Variants in TBC1D22A observed in about 807,000 individuals in gnomAD.
The protein encoded by TBC1D22A is TBC1 domain family member 22A.
Under a neutral mutation model 60.2 loss-of-function variants are expected in TBC1D22A, and 38 were observed. The ratio of observed to expected loss-of-function variants is 0.63; its 90% CI spans 0.49 to 0.83. The LOEUF (loss-of-function observed/expected upper bound fraction) is 0.83, where lower values mean the gene tolerates loss of function less well. Ranked by LOEUF, TBC1D22A falls within the 40% of genes least tolerant of loss-of-function variation. The pLI, the probability that TBC1D22A is intolerant of heterozygous loss-of-function variation, is 0.00. For synonymous variants in TBC1D22A, 302 were observed against 281.7 expected (o/e 1.07, Z -0.72); for missense variants, 628 against 701.0 (o/e 0.90, Z 1.18).
chr22:47,110,262 C>T (rs1004272626), intron 11 of TBC1D22A, among the ~76,000 whole-genome samples: 10 of 152,038 alleles, frequency 6.6e-5, no homozygotes, highest in East Asian at 1.9e-4. Flanking sequence ...AGTGGATCAC[C>T]GGAGGTCAGG....
chr22:47,054,383 G>T (rs1329794207), intron 11 of TBC1D22A, among the ~76,000 whole-genome samples: 2 of 152,154 alleles, frequency 1.3e-5, no homozygotes, highest in Non-Finnish European at 1.5e-5. Flanking sequence ...ACCACTCGAG[G>T]TGAGGGGTCC....
At chr22:47,157,567 C>T (rs936008406) in intron 12 of TBC1D22A, among the ~76,000 whole-genome samples, 2 of 152,188 alleles carry the variant, frequency 1.3e-5, no homozygotes, top group African/African-American at 4.8e-5. Flanking sequence ...ACGGCGGGTG[C>T]GCTGTGGTGG....
At chr22:46,948,389 A>G (rs2072683083) in intron 8 of TBC1D22A, among the ~76,000 whole-genome samples, 4 of 152,246 alleles carry the variant, frequency 2.6e-5, no homozygotes, top group Admixed American at 2.6e-4. Flanking sequence ...ATACAGGGTC[A>G]TGCCTTTGTA....
At chr22:47,090,345 G>A (rs192481996) in intron 11 of TBC1D22A, among the ~76,000 whole-genome samples, 2 of 145,220 alleles carry the variant, frequency 1.4e-5, no homozygotes, top group East Asian at 3.9e-4. Flanking sequence ...CAGACAGACG[G>A]GGCGTCTTGG....
intron 10 of TBC1D22A, among the ~76,000 whole-genome samples, chr22:47,016,502 C>T (rs990735976): frequency 2.6e-5 from 4 of 152,318 alleles, no homozygotes; most frequent in African/African-American, 7.2e-5. Context: ...CCCTGGAGAA[C>T]GAGCCCCTCC....
intron 4 of TBC1D22A, among the ~76,000 whole-genome samples, chr22:46,808,859 G>C (rs762713062): frequency 3.3e-5 from 5 of 152,224 alleles, no homozygotes; most frequent in Non-Finnish European, 7.3e-5. Context: ...CTTCCAAAGT[G>C]CTGGGATTAC....
chr22:46,775,211 C>T (rs995138876), intron 1 of TBC1D22A, among the ~76,000 whole-genome samples: 4 of 152,158 alleles, frequency 2.6e-5, no homozygotes, highest in Non-Finnish European at 4.4e-5. Flanking sequence ...GCAGCTCCTC[C>T]GCGAGGGCTT....
At chr22:47,133,314 G>A (rs939092796) in intron 12 of TBC1D22A, among the ~76,000 whole-genome samples, 6 of 152,202 alleles carry the variant, frequency 3.9e-5, no homozygotes, top group East Asian at 1.9e-4. Context: ...AAAAATAGAC[G>A]TAGTGTGGAG....
chr22:46,824,848 GA>G (rs1239754945), intron 4 of TBC1D22A, among the ~76,000 whole-genome samples: 1 of 152,070 alleles, frequency 6.6e-6, no homozygotes, highest in East Asian at 1.9e-4. Flanking sequence ...GATTTGGGGA[GA>G]AAAGAGACGG....
In TBC1D22A at chr22:46,862,696, C is replaced by T. The variant is rs144328474; in HGVS notation, c.638-15957C>T. On this transcript the variant is annotated intron_variant, in intron 4 of 12. Coordinates refer to ENST00000337137, the MANE Select transcript of TBC1D22A (RefSeq NM_014346.5). ...GGGGTTTCCCATCCAAGGCCGCAGC[C>T]CAGAAGGGTGGTGGATTGCCTCCCT... Among the ~76,000 whole-genome samples the T allele has an allele frequency of 3.3e-5, 5 of 152,130 alleles. No individual in the cohort carries two copies. The East Asian group carries it at 9.7e-4, about 30-fold the overall frequency.
At chr22:46,814,703 A>G (rs937975385) in intron 4 of TBC1D22A, among the ~76,000 whole-genome samples, 2 of 151,812 alleles carry the variant, frequency 1.3e-5, no homozygotes, top group Admixed American at 6.6e-5. Flanking sequence ...CTGGAGTGCA[A>G]TGACAAGGTC....
chr22:47,113,445 G>T (rs927103476), intron 12 of TBC1D22A, among the ~76,000 whole-genome samples: 2 of 152,056 alleles, frequency 1.3e-5, no homozygotes, highest in Non-Finnish European at 2.9e-5. Context: ...GAGGACTCGG[G>T]GTGTGCCTGA....
chr22:47,003,339 AT>A (rs1299772677), intron 10 of TBC1D22A, among the ~76,000 whole-genome samples: 8 of 152,072 alleles, frequency 5.3e-5, no homozygotes, highest in Admixed American at 2.0e-4. Context: ...GATGACAAGA[AT>A]GTGGCCTTAA....
At chr22:46,787,518 T>A (rs536485998) in intron 1 of TBC1D22A, among the ~76,000 whole-genome samples, 1 of 152,216 alleles carries the variant, frequency 6.6e-6, no homozygotes, top group Non-Finnish European at 1.5e-5. Context: ...GTACTGGCTT[T>A]CATACAGTGA....
intron 12 of TBC1D22A, among the ~76,000 whole-genome samples, chr22:47,130,869 AC>A (rs2066655674): frequency 6.6e-6 from 1 of 152,152 alleles, no homozygotes; most frequent in Non-Finnish European, 1.5e-5. Context: ...ATAAAGGAAC[AC>A]CCTGGCCTGG....
chr22:47,056,804 G>A (rs1363955366), intron 11 of TBC1D22A, among the ~76,000 whole-genome samples: 2 of 152,168 alleles, frequency 1.3e-5, no homozygotes, highest in African/African-American at 4.8e-5. Flanking sequence ...TCCACCTCAG[G>A]TTTCCTAGGG....
At chr22:47,133,523 T>G (rs1346833752) in intron 12 of TBC1D22A, among the ~76,000 whole-genome samples, 1 of 152,204 alleles carries the variant, frequency 6.6e-6, no homozygotes, top group African/African-American at 2.4e-5. Context: ...CGTTGTGAAA[T>G]TCTGGGTGAT....
intron 10 of TBC1D22A, among the ~76,000 whole-genome samples, chr22:47,026,278 G>A (rs2062255145): frequency 6.6e-6 from 1 of 152,192 alleles, no homozygotes; most frequent in South Asian, 2.1e-4. Context: ...TGACATAATA[G>A]GAAAGGGAGG....
At chr22:47,121,635 A>G (rs2066273887) in intron 12 of TBC1D22A, among the ~76,000 whole-genome samples, 1 of 152,244 alleles carries the variant, frequency 6.6e-6, no homozygotes, top group Non-Finnish European at 1.5e-5. Flanking sequence ...AAGACCGAAC[A>G]GAAACAAACC....
Sources: allele counts gnomAD v4.1 joint callset (sites outside exome capture counted in the v4.1 genomes callset), GRCh38; gene constraint gnomAD v4.1.1; transcripts MANE v1.5; gene names NCBI Gene and HGNC (gene_info 2026-07-23, HGNC 2026-07-21).